Variants in RSU1 observed in about 807,000 individuals in gnomAD.
The protein encoded by RSU1 is Ras suppressor protein 1.
A neutral mutation model predicts 31.1 loss-of-function variants in RSU1; 26 were observed. The observed-to-expected ratio is 0.84, with a 90% CI of 0.61 to 1.16. RSU1 has a LOEUF of 1.16. Ranked by LOEUF, RSU1 falls within the 50% of genes most tolerant of loss-of-function variation. The probability of loss-of-function intolerance (pLI) is 0.00; values close to 1 mark genes in which losing one functional copy is unlikely to be tolerated. For synonymous variants in RSU1, 164 were observed against 136.3 expected (o/e 1.20, Z -1.41); for missense variants, 320 against 339.1 (o/e 0.94, Z 0.44).
At chr10:16,683,640 C>T (rs1189421239) in intron 8 of RSU1, among the ~76,000 whole-genome samples, 1 of 152,150 alleles carries the variant, frequency 6.6e-6, no homozygotes, top group African/African-American at 2.4e-5. Flanking sequence ...AGGAGAAACT[C>T]TGTAAAATAT....
intron 7 of RSU1, chr10:16,723,096 T>A (rs1018202265): frequency 6.6e-6 from 1 of 151,794 alleles, no homozygotes; most frequent in East Asian, 1.9e-4. Context: ...ACATATATCA[T>A]ACGATTTGCT....
chr10:16,642,780 A>T (rs1379956411), intron 8 of RSU1, among the ~76,000 whole-genome samples: 2 of 152,186 alleles, frequency 1.3e-5, no homozygotes, highest in Non-Finnish European at 2.9e-5. Context: ...TTCCGTTTTG[A>T]ATTTATGCAT....
At chr10:16,614,456 C>T (rs1833942649) in intron 8 of RSU1, among the ~76,000 whole-genome samples, 2 of 151,382 alleles carry the variant, frequency 1.3e-5, no homozygotes, top group African/African-American at 2.4e-5. Context: ...CACTATAGTC[C>T]CCCCACCACA....
chr10:16,746,291 C>A (rs879158460), intron 7 of RSU1, among the ~76,000 whole-genome samples: 1 of 152,148 alleles, frequency 6.6e-6, no homozygotes, highest in Non-Finnish European at 1.5e-5. Flanking sequence ...GTGTATGCAG[C>A]GTTGCAGACA....
rs149580727 is a variant in RSU1 at position 16,659,267 on chromosome 10, G to T, written c.731+35756C>A. Among the ~76,000 whole-genome samples the T allele has an allele frequency of 3.8e-3, 568 of 149,636 alleles. 1 individual carries two copies. The highest frequency in any genetic ancestry group is 6.3e-3 in the Non-Finnish European group (424 of 67,608). On this transcript the variant is annotated intron_variant, in intron 8 of 8. Transcript: ENST00000345264. ...ACAATCTGTGTTTCCTTGAGTTTGG[G>T]GTAAGAAACCCTTCTCTACTCTGAG...
At chr10:16,629,645 G>A (rs995786809) in intron 8 of RSU1, among the ~76,000 whole-genome samples, 5 of 152,104 alleles carry the variant, frequency 3.3e-5, no homozygotes, top group African/African-American at 4.8e-5. Flanking sequence ...AGAATCTCAG[G>A]GACTGTAAAG....
At chr10:16,743,408 G>C (rs1041879667) in intron 7 of RSU1, among the ~76,000 whole-genome samples, 1 of 152,202 alleles carries the variant, frequency 6.6e-6, no homozygotes, top group African/African-American at 2.4e-5. Context: ...AAAGAGGCCA[G>C]AGAGCTCTCC....
rs78606967 is a variant in RSU1, at chr10:16,607,673, G to A, written c.732-14177C>T. On this transcript the variant is annotated intron_variant, in intron 8 of 8. Transcript: ENST00000345264. ...ACAAAGATAAAGCACTCCAGGCAAA[G>A]GATTCAGCCTGGTCAGGGTTGGGCA... 4.9e-4 allele frequency among the ~76,000 whole-genome samples: 74 copies of A among 152,294 alleles called. No individual in the cohort carries two copies. The East Asian group carries it at 0.013, about 27-fold the overall frequency.
intron 3 of RSU1, among the ~76,000 whole-genome samples, chr10:16,779,319 A>G (rs1206856400): frequency 6.6e-6 from 1 of 152,224 alleles, no homozygotes; most frequent in Non-Finnish European, 1.5e-5. Flanking sequence ...CAGATTCTTG[A>G]GGAATTTCAG....
chr10:16,607,934 C>T (rs1833832424), intron 8 of RSU1, among the ~76,000 whole-genome samples: 1 of 152,146 alleles, frequency 6.6e-6, no homozygotes, highest in Non-Finnish European at 1.5e-5. Context: ...ACATTATCAG[C>T]TCACTGCAAC....
intron 8 of RSU1, among the ~76,000 whole-genome samples, chr10:16,676,101 G>A (rs1835225953): frequency 6.6e-6 from 1 of 152,206 alleles, no homozygotes; most frequent in South Asian, 2.1e-4. Flanking sequence ...AAGTATTCTA[G>A]AGAAAGGTCA....
chr10:16,610,425 C>T (rs1028970212), intron 8 of RSU1, among the ~76,000 whole-genome samples: 3 of 152,286 alleles, frequency 2.0e-5, no homozygotes, highest in Non-Finnish European at 4.4e-5. Flanking sequence ...ACCCTTGGGC[C>T]GTGGACAGGT....
chr10:16,660,897 G>A (rs1249476880), intron 8 of RSU1, among the ~76,000 whole-genome samples: 1 of 151,886 alleles, frequency 6.6e-6, no homozygotes, highest in African/African-American at 2.4e-5. Flanking sequence ...TCCACCCACT[G>A]CAAACCTCCC....
At chr10:16,802,751 A>C (rs1177537846) in intron 2 of RSU1, among the ~76,000 whole-genome samples, 2 of 152,152 alleles carry the variant, frequency 1.3e-5, no homozygotes, top group African/African-American at 4.8e-5. Flanking sequence ...AACAAAAGCA[A>C]TCCATCACTT....
At chr10:16,648,854 A>G (rs1226422628) in intron 8 of RSU1, among the ~76,000 whole-genome samples, 1 of 152,132 alleles carries the variant, frequency 6.6e-6, no homozygotes, top group African/African-American at 2.4e-5. Context: ...CGTGGGCTGT[A>G]AAATGTTAAA....
chr10:16,611,816 C>G (rs1019579271), intron 8 of RSU1, among the ~76,000 whole-genome samples: 4 of 152,072 alleles, frequency 2.6e-5, no homozygotes, highest in African/African-American at 9.7e-5. Flanking sequence ...TTCCAGAGAG[C>G]GAGAGAGAGT....
chr10:16,672,155 A>C (rs113058346), intron 8 of RSU1, among the ~76,000 whole-genome samples: 43,191 of 148,166 alleles, frequency 0.29, 6,645 homozygotes, highest in African/African-American at 0.38. Context: ...AAAAAAAAAA[A>C]AAAAATTAGC....
chr10:16,641,352 C>T (rs941041255), intron 8 of RSU1, among the ~76,000 whole-genome samples: 8 of 151,912 alleles, frequency 5.3e-5, no homozygotes, highest in Non-Finnish European at 7.4e-5. Flanking sequence ...ATTAACCGGG[C>T]GTGGTGACAG....
intron 8 of RSU1, among the ~76,000 whole-genome samples, chr10:16,610,252 T>C (rs925692466): frequency 3.3e-5 from 5 of 152,190 alleles, no homozygotes; most frequent in Non-Finnish European, 7.3e-5. Flanking sequence ...GAGCCACCTA[T>C]AGTTGGTGGC....
Sources: allele counts gnomAD v4.1 joint callset (sites outside exome capture counted in the v4.1 genomes callset), GRCh38; gene constraint gnomAD v4.1.1; transcripts MANE v1.5; gene names NCBI Gene and HGNC (gene_info 2026-07-23, HGNC 2026-07-21).